TTC17: variants seen among roughly 807,000 people sequenced by gnomAD.
TTC17 encodes tetratricopeptide repeat protein 17.
A neutral mutation model predicts 143.8 loss-of-function variants in TTC17; 58 were observed. That is an observed-to-expected ratio of 0.40 (90% CI 0.33 to 0.50). The LOEUF is 0.50. Among genes scored for constraint, TTC17 ranks in the 20% least tolerant of loss-of-function variants. The pLI is 0.49. For missense variants in TTC17, 1,273 were observed against 1,392.5 expected (o/e 0.91, Z 1.37); for synonymous variants, 501 against 497.8 (o/e 1.01, Z -0.09).
chr11:43,428,279 G>A (rs1222215651), intron 16 of TTC17, among the ~76,000 whole-genome samples: 3 of 151,580 alleles, frequency 2.0e-5, no homozygotes, highest in African/African-American at 7.3e-5. Context: ...AAGTTCCCTA[G>A]GCTGAAGTAA....
intron 10 of TTC17, among the ~76,000 whole-genome samples, chr11:43,402,673 G>T (rs1211236464): frequency 2.0e-5 from 3 of 152,166 alleles, no homozygotes; most frequent in African/African-American, 7.2e-5. Flanking sequence ...TTTTGATTGG[G>T]ATGCTTAACA....
chr11:43,364,011 C>T (rs904895390), intron 1 of TTC17, among the ~76,000 whole-genome samples: 5 of 151,428 alleles, frequency 3.3e-5, no homozygotes, highest in African/African-American at 1.2e-4. Flanking sequence ...TCGTTTTGTC[C>T]CCCGGTCAGG....
At chr11:43,422,422 T>A (rs1032776056) in intron 16 of TTC17, among the ~76,000 whole-genome samples, 3 of 152,166 alleles carry the variant, frequency 2.0e-5, no homozygotes, top group Non-Finnish European at 4.4e-5. Flanking sequence ...GAGATAATAA[T>A]TTATGGGTCA....
At chr11:43,394,297 A>T (rs774352171) in intron 5 of TTC17, among the ~76,000 whole-genome samples, 3 of 152,198 alleles carry the variant, frequency 2.0e-5, no homozygotes, top group Non-Finnish European at 4.4e-5. Flanking sequence ...TTTGGATTTT[A>T]CTCCAAGTGT....
At chr11:43,462,003 TAGTA>T (rs1327850850) in intron 21 of TTC17, among the ~76,000 whole-genome samples, 5 of 149,790 alleles carry the variant, frequency 3.3e-5, no homozygotes, top group South Asian at 2.1e-4. Flanking sequence ...AGAGCACAAA[TAGTA>T]CAATGGCGAA....
In TTC17 at chr11:43,358,963, G is replaced by A. The variant is rs754692362; in HGVS notation, c.9G>A (p.Ala3=). Residue 3 remains alanine (A), a synonymous_variant, in exon 1 of 24, where the codon GCG becomes GCA. Coordinates refer to ENST00000039989, the MANE Select transcript of TTC17 (RefSeq NM_018259.6). ...CCGGCCGGGGGGGCAAGATGGCGGC[G>A]GCAGTAGGGGTTCGTGGCCGGTACG... The part of the protein sequence containing the change: MA[A]AVGVRGRYEL... 7.0e-6 allele frequency: 11 copies of A among 1,574,380 alleles called. No homozygotes were observed. Among genetic ancestry groups the A allele is most frequent in the Middle Eastern group, 1.7e-4 (1 of 5,942 alleles).
At chr11:43,443,985 C>T (rs1173068491) in intron 17 of TTC17, 71 bp from the exon 18 acceptor site, 5 of 1,490,344 alleles carry the variant, frequency 3.4e-6, no homozygotes, top group Non-Finnish European at 3.6e-6. Context: ...TATTCTTAAA[C>T]TAGTATTCAC....
chr11:43,414,389 AT>A (rs1050739863), intron 15 of TTC17, among the ~76,000 whole-genome samples, 200 bp from the exon 16 acceptor site: 16 of 152,214 alleles, frequency 1.1e-4, no homozygotes, highest in Non-Finnish European at 1.3e-4. Context: ...TACTTTATAT[AT>A]TTTTTATCTT....
intron 10 of TTC17, 39 bp from the exon 11 acceptor site, chr11:43,403,959 C>A (rs376293948): frequency 1.3e-6 from 2 of 1,536,020 alleles, no homozygotes; most frequent in Non-Finnish European, 1.8e-6. Context: ...ACTCCTTTTC[C>A]ACTTTCAATT....
intron 16 of TTC17, among the ~76,000 whole-genome samples, chr11:43,430,810 A>C (rs1947140544): frequency 6.6e-6 from 1 of 151,212 alleles, no homozygotes; most frequent in South Asian, 2.1e-4. Flanking sequence ...ATTATACTTG[A>C]AGTTCTGGGA....
chr11:43,430,319 T>G (rs1316083549), intron 16 of TTC17, among the ~76,000 whole-genome samples: 1 of 152,042 alleles, frequency 6.6e-6, no homozygotes, highest in Non-Finnish European at 1.5e-5. Context: ...TCCCAGCTAC[T>G]CGAGAGGCTG....
intron 11 of TTC17, among the ~76,000 whole-genome samples, chr11:43,404,600 C>T (rs1420674264): frequency 6.6e-6 from 1 of 152,146 alleles, no homozygotes; most frequent in Non-Finnish European, 1.5e-5. Flanking sequence ...GTACATGTGC[C>T]TGTCTAGACT....
chr11:43,479,065 C>A (rs1170495786), intron 21 of TTC17, among the ~76,000 whole-genome samples: 3 of 152,056 alleles, frequency 2.0e-5, no homozygotes, highest in African/African-American at 7.2e-5. Flanking sequence ...ATGGTGAAAC[C>A]CTGTCTCTAC....
At position 43,358,929 on chromosome 11, in the gene TTC17, G is replaced by T; in HGVS notation, c.-26G>T. On this transcript the variant is annotated 5_prime_UTR_variant, in exon 1 of 24. Transcript: ENST00000039989. ...CCGGAGACTAGCTTCCGCTTCCGGT[G>T]TGAGCGGCCCGGCCGGGGGGGCAAG... 6.4e-7 allele frequency: 1 copy of T among 1,552,882 alleles called. No individual in the cohort carries two copies.
chr11:43,361,712 CAT>C (rs1856112836), intron 1 of TTC17, among the ~76,000 whole-genome samples: 1 of 152,212 alleles, frequency 6.6e-6, no homozygotes, highest in South Asian at 2.1e-4. Flanking sequence ...TTTGTCCTGA[CAT>C]ACCAAATTCT....
chr11:43,360,418 T>G (rs76780983), intron 1 of TTC17, among the ~76,000 whole-genome samples: 2,428 of 152,356 alleles, frequency 0.016, 25 homozygotes, highest in Non-Finnish European at 0.027. Context: ...AGACCATATG[T>G]GAGTGCTGGT....
At chr11:43,387,654 G>T (rs1857218612) in intron 2 of TTC17, among the ~76,000 whole-genome samples, 1 of 152,106 alleles carries the variant, frequency 6.6e-6, no homozygotes, top group Non-Finnish European at 1.5e-5. Flanking sequence ...TGTAATTTTG[G>T]CATTCTCAGT....
At chr11:43,475,568 A>G (rs1312028200) in intron 21 of TTC17, among the ~76,000 whole-genome samples, 2 of 152,090 alleles carry the variant, frequency 1.3e-5, no homozygotes, top group Non-Finnish European at 2.9e-5. Context: ...CAAGCAGTCC[A>G]CCCACCTCCA....
In TTC17 at chr11:43,490,337, C is replaced by G. The variant is rs764968906; in HGVS notation, c.3129C>G (p.His1043Gln). Reference sequence around the variant, plus strand: ...TCGACTGCCTCCGCCAGGCTCTGCACTATGCGCCACACCAGATGAAGGTGA... The same window carrying G: ...TCGACTGCCTCCGCCAGGCTCTGCAGTATGCGCCACACCAGATGAAGGTGA... ...KAIDCLRQAL[H>Q]YAPHQMKDVP... Residue 1043 changes from histidine to glutamine, a missense_variant, in exon 22 of 24, where the codon CAC (histidine) becomes CAG (glutamine). This residue lies in a region of TTC17 where 878 missense variants were observed against 899.8 expected (regional missense o/e 0.98). Coordinates refer to ENST00000039989, the MANE Select transcript of TTC17 (RefSeq NM_018259.6). 2.5e-6 allele frequency: 4 copies of G among 1,609,328 alleles called. No individual in the cohort carries two copies. The highest frequency in any genetic ancestry group is 3.4e-6 in the Non-Finnish European group (4 of 1,177,064).
Sources: gnomAD v4.1 joint callset for allele counts (sites outside exome capture counted in the v4.1 genomes callset) on GRCh38, gnomAD v4.1.1 for gene constraint, gnomAD v4.1.1 regional missense constraint, MANE v1.5 for transcripts, NCBI Gene and HGNC (gene_info 2026-07-23, HGNC 2026-07-21) for gene names.